The following PTK2 variants were observed in gnomAD, a reference collection of about 807,000 sequenced individuals.
The protein encoded by PTK2 is focal adhesion kinase 1.
Under a neutral mutation model 150.1 loss-of-function variants are expected in PTK2, and 45 were observed. The observed-to-expected ratio is 0.30, with a 90% CI of 0.24 to 0.38. PTK2 has a LOEUF of 0.38. Among genes scored for constraint, PTK2 ranks in the 10% least tolerant of loss-of-function variants. The probability of loss-of-function intolerance (pLI) is 1.00; values close to 1 mark genes in which losing one functional copy is unlikely to be tolerated. For synonymous variants in PTK2, 432 were observed against 449.2 expected, an observed-to-expected ratio of 0.96 and a Z score of 0.48; for missense variants, 919 against 1,307.3, an observed-to-expected ratio of 0.70 and a Z score of 4.58.
In PTK2 at chr8:140,995,515, C is replaced by A. The variant is rs80125138; in HGVS notation, c.-122+5610G>T. 4.4e-4 allele frequency among the ~76,000 whole-genome samples: 67 copies of A among 151,838 alleles called. No individual in the cohort carries two copies. The East Asian group carries it at 0.011, about 24-fold the overall frequency. ...GCTTAGTGAGAAAAAACGTCAAAAA[C>A]CAAGATAGGGCCGGGCACAGTGGTG... On this transcript the variant is annotated intron_variant, in intron 1 of 31. Transcript: ENST00000522684.
chr8:140,789,019 T>C (rs940020054), intron 14 of PTK2, among the ~76,000 whole-genome samples: 2 of 152,118 alleles, frequency 1.3e-5, no homozygotes, highest in African/African-American at 2.4e-5. Flanking sequence ...GTTAAGACAA[T>C]GCTCATGCCA....
At chr8:140,837,995 G>A (rs1023166782) in intron 7 of PTK2, among the ~76,000 whole-genome samples, 3 of 151,824 alleles carry the variant, frequency 2.0e-5, no homozygotes, top group Admixed American at 2.0e-4. Context: ...CCAGGAGGAG[G>A]AGGTTGCTGC....
intron 4 of PTK2, among the ~76,000 whole-genome samples, chr8:140,875,110 G>A (rs968831937): frequency 4.6e-5 from 7 of 152,174 alleles, no homozygotes; most frequent in African/African-American, 1.7e-4. Flanking sequence ...GCCAGTAGGA[G>A]ACCACAGGAA....
chr8:140,692,784 AG>A (rs1449403757), intron 26 of PTK2, among the ~76,000 whole-genome samples: 1 of 152,176 alleles, frequency 6.6e-6, no homozygotes, highest in African/African-American at 2.4e-5. Flanking sequence ...ATCTGGTATG[AG>A]GGAAAAAATA....
chr8:140,906,150 T>C (rs1481045025), intron 2 of PTK2, among the ~76,000 whole-genome samples: 5 of 151,948 alleles, frequency 3.3e-5, no homozygotes, highest in African/African-American at 1.2e-4. Flanking sequence ...AAAATACAAA[T>C]TAAAACCACA....
chr8:140,683,294 T>C (rs1262698716), intron 27 of PTK2, among the ~76,000 whole-genome samples: 7 of 152,132 alleles, frequency 4.6e-5, no homozygotes, highest in Non-Finnish European at 1.0e-4. Context: ...TTCCCAAGAC[T>C]GAGCCAGGAA....
intron 29 of PTK2, among the ~76,000 whole-genome samples, chr8:140,671,594 C>T (rs2095423908): frequency 6.6e-6 from 1 of 151,838 alleles, no homozygotes; most frequent in African/African-American, 2.4e-5. Context: ...AATGAAGAAA[C>T]AGAGGTGTAT....
chr8:140,956,152 G>A (rs1433028249), intron 1 of PTK2, among the ~76,000 whole-genome samples: 2 of 152,226 alleles, frequency 1.3e-5, no homozygotes, highest in African/African-American at 4.8e-5. Flanking sequence ...TACCAATGCT[G>A]GGGATTTCCC....
chr8:140,669,515 A>T (rs1039064635), intron 29 of PTK2: 1 of 535,134 alleles, frequency 1.9e-6, no homozygotes, highest in Admixed American at 3.6e-5. Context: ...ATAGAAAAGC[A>T]CAAGAATAAT....
chr8:140,751,460 T>C (rs1288433603), intron 17 of PTK2, among the ~76,000 whole-genome samples: 1 of 152,002 alleles, frequency 6.6e-6, no homozygotes, highest in Non-Finnish European at 1.5e-5. Context: ...CCACCACACC[T>C]GGCCTCCTTT....
chr8:140,864,036 T>C (rs1467659307), intron 5 of PTK2, among the ~76,000 whole-genome samples: 1 of 152,210 alleles, frequency 6.6e-6, no homozygotes, highest in Admixed American at 6.5e-5. Context: ...TATTCAGGCA[T>C]AATAATTGTA....
chr8:140,886,578 C>T (rs1204422795), intron 3 of PTK2, among the ~76,000 whole-genome samples: 1 of 152,212 alleles, frequency 6.6e-6, no homozygotes, highest in Non-Finnish European at 1.5e-5. Context: ...CTGTCTCTTG[C>T]ATCCTGCTAC....
chr8:140,769,730 T>G (rs1241335205), intron 14 of PTK2, 138 bp from the exon 16 acceptor site: 1 of 398,826 alleles, frequency 2.5e-6, no homozygotes, highest in Non-Finnish European at 4.4e-6. Flanking sequence ...TAAAAAACAA[T>G]TACCCCCCAG....
chr8:140,716,792 C>CA (rs1344366777), intron 23 of PTK2, among the ~76,000 whole-genome samples: 2 of 152,106 alleles, frequency 1.3e-5, no homozygotes, highest in African/African-American at 2.4e-5. Context: ...CTACTAACTA[C>CA]AAAAAATCCT....
rs1810980759 is a variant in PTK2, at chr8:140,761,813, GT to G, written c.1235-552del. ...GGAGCTAAAAGAGTTTAAAGAGGTA[GT>G]TTCTTAAAACTAATTTCAAAGTTAG... is the stretch of plus-strand genomic sequence containing the variant. On this transcript the variant is annotated intron_variant, in intron 15 of 31. Transcript: ENST00000522684. 2.0e-5 allele frequency among the ~76,000 whole-genome samples: 3 copies of G among 152,012 alleles called. No individual in the cohort carries two copies. The South Asian group carries it at 6.2e-4, about 31-fold the overall frequency.
intron 10 of PTK2, among the ~76,000 whole-genome samples, chr8:140,806,928 CG>C (rs1566775476): frequency 6.6e-6 from 1 of 152,230 alleles, no homozygotes; most frequent in African/African-American, 2.4e-5. Context: ...TACTCTCTCA[CG>C]CCACCCTACT....
chr8:140,972,270 T>A (rs540279632), intron 1 of PTK2, among the ~76,000 whole-genome samples: 1 of 152,236 alleles, frequency 6.6e-6, no homozygotes, highest in South Asian at 2.1e-4. Flanking sequence ...AATAAATAAT[T>A]GTTAATTTTT....
intron 30 of PTK2, 36 bp from the exon 35 acceptor site, chr8:140,665,033 A>T: frequency 6.4e-7 from 1 of 1,550,908 alleles, no homozygotes; most frequent in Non-Finnish European, 8.8e-7. Flanking sequence ...ATTAGAACAC[A>T]CACAAAGGAT....
chr8:140,725,362 C>T (rs1464157846), intron 22 of PTK2, among the ~76,000 whole-genome samples: 1 of 145,362 alleles, frequency 6.9e-6, no homozygotes, highest in Non-Finnish European at 1.5e-5. Context: ...TTGACCAACC[C>T]TCTTGCAGAC....
Sources: allele counts gnomAD v4.1 joint callset (sites outside exome capture counted in the v4.1 genomes callset), GRCh38; gene constraint gnomAD v4.1.1; transcripts MANE v1.5; gene names NCBI Gene and HGNC (gene_info 2026-07-23, HGNC 2026-07-21).